Variants in RASGRF2 observed in about 807,000 individuals in gnomAD.
RASGRF2 encodes the protein ras-specific guanine nucleotide-releasing factor 2.
A neutral mutation model predicts 151.0 loss-of-function variants in RASGRF2; 76 were observed. The observed-to-expected ratio is 0.50, with a 90% CI of 0.42 to 0.61. The LOEUF (loss-of-function observed/expected upper bound fraction) is 0.61. Among genes scored for constraint, RASGRF2 ranks in the 20% least tolerant of loss-of-function variants. The pLI, the probability that RASGRF2 is intolerant of heterozygous loss-of-function variation, is 0.00. For missense variants in RASGRF2, 1,148 were observed against 1,564.6 expected (o/e 0.73, Z 4.49); for synonymous variants, 504 against 566.5 (o/e 0.89, Z 1.57).
chr5:81,179,252 T>A (rs1754857624), intron 17 of RASGRF2, among the ~76,000 whole-genome samples: 1 of 152,250 alleles, frequency 6.6e-6, no homozygotes, highest in African/African-American at 2.4e-5. Context: ...TCAAGATTGA[T>A]TTGTAATCGT....
intron 23 of RASGRF2, among the ~76,000 whole-genome samples, chr5:81,214,970 G>T (rs1393626064): frequency 6.6e-6 from 1 of 152,226 alleles, no homozygotes; most frequent in Non-Finnish European, 1.5e-5. Context: ...AACCAAACAT[G>T]TGCTTTAGTC....
At chr5:81,201,539 G>A in intron 19 of RASGRF2, 97 bp downstream of exon 19, 2 of 1,309,326 alleles carry the variant, frequency 1.5e-6, no homozygotes, top group Non-Finnish European at 2.1e-6. Flanking sequence ...CCTGGGGACA[G>A]TGGGGACTAT....
intron 17 of RASGRF2, among the ~76,000 whole-genome samples, chr5:81,133,308 A>C (rs1435809501): frequency 6.6e-6 from 1 of 152,214 alleles, no homozygotes; most frequent in African/African-American, 2.4e-5. Context: ...AACTCTATAC[A>C]GGATAGGACT....
At chr5:81,134,113 T>TGTGTGTGG (rs1429600235) in intron 17 of RASGRF2, among the ~76,000 whole-genome samples, 4 of 150,756 alleles carry the variant, frequency 2.7e-5, no homozygotes, top group Non-Finnish European at 5.9e-5. Flanking sequence ...TGTGTGTGAG[T>TGTGTGTGG]GAATATTTTA....
Position 81,062,856 on chromosome 5 carries a change from G to T in RASGRF2, c.396-5176G>T, listed in dbSNP as rs16878383. ...TTTGGTTGGAAAACCTCCTCATAAT[G>T]TTTTCCTGCAGTAAGTGTGTGGGGA... is the stretch of plus-strand genomic sequence containing the variant. On this transcript the variant is annotated intron_variant, in intron 2 of 26. Coordinates refer to ENST00000265080, the MANE Select transcript of RASGRF2 (RefSeq NM_006909.3). 8.6e-3 allele frequency among the ~76,000 whole-genome samples: 1,304 copies of T among 152,178 alleles called. 6 individuals are homozygous for T. The highest frequency in any genetic ancestry group is 0.031 in the South Asian group (151 of 4,816).
chr5:81,194,356 C>CA (rs200399661), intron 18 of RASGRF2, among the ~76,000 whole-genome samples: 2,708 of 149,354 alleles, frequency 0.018, 69 homozygotes, highest in African/African-American at 0.063. Flanking sequence ...GACTCTGTCT[C>CA]AAAAAAAAAT....
chr5:81,159,682 T>C (rs1754338416), intron 17 of RASGRF2, among the ~76,000 whole-genome samples: 1 of 152,224 alleles, frequency 6.6e-6, no homozygotes, highest in Non-Finnish European at 1.5e-5. Flanking sequence ...ATCAGTGAAC[T>C]CTGTGTGGGT....
In RASGRF2 at chr5:81,057,830, A is replaced by G. The variant is rs993473480; in HGVS notation, c.396-10202A>G. The stretch of plus-strand genomic sequence containing the variant: ...GGGAACATAGTGAGACCTCGTCTCC[A>G]CAAAACAATCAAAAAATTAGCCAGG... On this transcript the variant is annotated intron_variant, in intron 2 of 26. Transcript: ENST00000265080. 3.6e-4 allele frequency among the ~76,000 whole-genome samples: 54 copies of G among 151,950 alleles called. 1 individual carries two copies. Among genetic ancestry groups the G allele is most frequent in the Admixed American group, 3.3e-4 (5 of 15,244 alleles).
At chr5:81,148,424 T>G (rs1027868261) in intron 17 of RASGRF2, among the ~76,000 whole-genome samples, 1 of 152,204 alleles carries the variant, frequency 6.6e-6, no homozygotes, top group African/African-American at 2.4e-5. Flanking sequence ...TATCCCTTTG[T>G]GCAGTTCATA....
At chr5:81,158,309 A>C (rs1167695683) in intron 17 of RASGRF2, among the ~76,000 whole-genome samples, 1 of 152,230 alleles carries the variant, frequency 6.6e-6, no homozygotes, top group Non-Finnish European at 1.5e-5. Flanking sequence ...GGCTACATGC[A>C]TAAAGATTAA....
chr5:81,028,575 TAAAACA>T (rs1286349698), intron 1 of RASGRF2, among the ~76,000 whole-genome samples: 7 of 152,052 alleles, frequency 4.6e-5, no homozygotes, highest in African/African-American at 1.7e-4. Flanking sequence ...CAAGAAATTA[TAAAACA>T]AAAACAGGTA....
At chr5:80,967,999 A>G (rs1747776430) in intron 1 of RASGRF2, among the ~76,000 whole-genome samples, 1 of 152,248 alleles carries the variant, frequency 6.6e-6, no homozygotes, top group Non-Finnish European at 1.5e-5. Flanking sequence ...TACCAGACAC[A>G]TGATCTTGAG....
intron 15 of RASGRF2, among the ~76,000 whole-genome samples, chr5:81,120,987 TTTTTTG>T (rs1206346232): frequency 6.6e-6 from 1 of 152,016 alleles, no homozygotes; most frequent in Admixed American, 6.6e-5. Context: ...AGTTGTAGGG[TTTTTTG>T]TTTTTGTTTT....
chr5:81,216,369 GCACACACA>G (rs1043898848), intron 24 of RASGRF2, among the ~76,000 whole-genome samples: 3 of 144,150 alleles, frequency 2.1e-5, no homozygotes, highest in Admixed American at 6.8e-5. Context: ...ACACACACAC[GCACACACA>G]CACACACAAA....
At chr5:81,187,118 G>A (rs1755042481) in intron 18 of RASGRF2, among the ~76,000 whole-genome samples, 1 of 152,192 alleles carries the variant, frequency 6.6e-6, no homozygotes, top group Admixed American at 6.5e-5. Context: ...GCCAAATGCT[G>A]TTACCCCCGT....
rs77942363 is a variant in RASGRF2 at position 81,133,532 on chromosome 5, A to C, written c.2686+6369A>C. ...ATTCAATGAATAAATATATCAGAGC[A>C]CATCATTGCACTTACTATACACCTG... On this transcript the variant is annotated intron_variant, in intron 17 of 26. Transcript: ENST00000265080. 5.9e-5 allele frequency among the ~76,000 whole-genome samples: 9 copies of C among 152,374 alleles called. No homozygotes were observed. In the East Asian group the frequency reaches 1.7e-3, roughly 29 times the overall value.
intron 1 of RASGRF2, among the ~76,000 whole-genome samples, chr5:80,996,249 C>T (rs897361890): frequency 1.3e-5 from 2 of 152,026 alleles, no homozygotes; most frequent in Admixed American, 6.5e-5. Context: ...AAAATAACCA[C>T]ATAAACTGTA....
chr5:81,141,896 G>C (rs1753893752), intron 17 of RASGRF2, among the ~76,000 whole-genome samples: 1 of 152,178 alleles, frequency 6.6e-6, no homozygotes, highest in Non-Finnish European at 1.5e-5. Context: ...ATGTATTTCT[G>C]TATTGAGAAT....
At chr5:81,153,695 C>T (rs902467763) in intron 17 of RASGRF2, among the ~76,000 whole-genome samples, 3 of 151,842 alleles carry the variant, frequency 2.0e-5, no homozygotes, top group Non-Finnish European at 4.4e-5. Context: ...AGAAAAATGG[C>T]GGATATAAAT....
Sources: gnomAD v4.1 joint callset for allele counts (sites outside exome capture counted in the v4.1 genomes callset) on GRCh38, gnomAD v4.1.1 for gene constraint, MANE v1.5 for transcripts, NCBI Gene and HGNC (gene_info 2026-07-23, HGNC 2026-07-21) for gene names.